Variants in CTNNA3 observed in about 807,000 individuals in gnomAD.
The protein encoded by CTNNA3 is catenin alpha 3, also known as catenin alpha-3.
CTNNA3 carries 76 observed loss-of-function variants against 95.7 expected under a neutral mutation model. That is an observed-to-expected ratio of 0.79 (90% CI 0.66 to 0.96). The LOEUF is 0.96. Among genes scored for constraint, CTNNA3 ranks in the 40% least tolerant of loss-of-function variants. The probability of loss-of-function intolerance (pLI) is 0.00; values close to 1 mark genes in which losing one functional copy is unlikely to be tolerated. For synonymous variants in CTNNA3, 431 were observed against 374.4 expected, an observed-to-expected ratio of 1.15 and a Z score of -1.74; for missense variants, 1,191 against 1,089.8, an observed-to-expected ratio of 1.09 and a Z score of -1.31.
intron 5 of CTNNA3, among the ~76,000 whole-genome samples, chr10:67,386,586 G>A (rs1008977829): frequency 2.0e-5 from 3 of 152,146 alleles, no homozygotes; most frequent in Admixed American, 6.5e-5. Flanking sequence ...ATCCTAGGGG[G>A]AAGTGAACAA....
At chr10:67,602,698 T>A (rs1843124642) in intron 3 of CTNNA3, among the ~76,000 whole-genome samples, 1 of 152,188 alleles carries the variant, frequency 6.6e-6, no homozygotes, top group Non-Finnish European at 1.5e-5. Flanking sequence ...GGAAATACCA[T>A]CTCATGGCAA....
chr10:66,223,301 G>A (rs1312223535), intron 13 of CTNNA3, among the ~76,000 whole-genome samples: 1 of 152,008 alleles, frequency 6.6e-6, no homozygotes, highest in African/African-American at 2.4e-5. Flanking sequence ...AAGTATGTTA[G>A]GTAATGGGTT....
chr10:67,532,762 A>T (rs1840370027), intron 4 of CTNNA3, among the ~76,000 whole-genome samples: 1 of 152,212 alleles, frequency 6.6e-6, no homozygotes, highest in Non-Finnish European at 1.5e-5. Context: ...GTTCTTGCCA[A>T]GTAATTTATG....
intron 12 of CTNNA3, among the ~76,000 whole-genome samples, chr10:66,310,071 T>C (rs1015762563): frequency 5.9e-5 from 9 of 151,462 alleles, no homozygotes; most frequent in Non-Finnish European, 1.0e-4. Flanking sequence ...TGAGCTGAGA[T>C]TGCACCACTG....
At chr10:66,157,657 T>C (rs1207591351) in intron 13 of CTNNA3, among the ~76,000 whole-genome samples, 1 of 152,038 alleles carries the variant, frequency 6.6e-6, no homozygotes, top group Non-Finnish European at 1.5e-5. Flanking sequence ...TTTCGAATAA[T>C]GATTTCTTTT....
At chr10:66,577,447 TTTA>T (rs1404883045) in intron 10 of CTNNA3, among the ~76,000 whole-genome samples, 1 of 152,102 alleles carries the variant, frequency 6.6e-6, no homozygotes, top group Non-Finnish European at 1.5e-5. Flanking sequence ...TTCTAGGGTT[TTTA>T]TTGTTTTAGT....
chr10:66,693,236 C>T (rs911526907), intron 9 of CTNNA3, among the ~76,000 whole-genome samples: 2 of 151,978 alleles, frequency 1.3e-5, no homozygotes, highest in South Asian at 2.1e-4. Flanking sequence ...CAGAGACACA[C>T]ATAGGCTCAA....
At chr10:66,651,554 G>A (rs970002532) in intron 9 of CTNNA3, among the ~76,000 whole-genome samples, 5 of 152,136 alleles carry the variant, frequency 3.3e-5, no homozygotes, top group Admixed American at 3.3e-4. Flanking sequence ...CGTGGGGAGG[G>A]GGGTTGGGGG....
intron 3 of CTNNA3, among the ~76,000 whole-genome samples, chr10:67,566,035 G>A (rs1180652962): frequency 1.1e-4 from 4 of 35,484 alleles, no homozygotes; most frequent in South Asian, 1.9e-3. Flanking sequence ...ACACACATAT[G>A]TGTGTGTGTA....
rs2077052687 is a variant in CTNNA3, at chr10:65,919,676, A to G, written c.*654T>C. 6.6e-6 allele frequency: 1 copy of G among 152,332 alleles called. No individual in the cohort carries two copies. Among genetic ancestry groups the G allele is most frequent in the South Asian group, 2.1e-4 (1 of 4,838 alleles). The allele number at this position is 152,332 out of a possible 1,614,324, so 9.4% of individuals were successfully genotyped here. On this transcript the variant is annotated 3_prime_UTR_variant, in exon 18 of 18. Coordinates refer to ENST00000433211, the MANE Select transcript of CTNNA3 (RefSeq NM_013266.4). ...CATTGTAACCTTTATAATGTTAAGAAAGCATTTTATTAATAAACAAGGTTG... is the reference window on the plus strand; with the variant it reads ...CATTGTAACCTTTATAATGTTAAGAGAGCATTTTATTAATAAACAAGGTTG...
At chr10:67,743,468 C>G (rs552551243) in intron 1 of CTNNA3, among the ~76,000 whole-genome samples, 3 of 151,402 alleles carry the variant, frequency 2.0e-5, no homozygotes, top group Admixed American at 1.3e-4. Context: ...ATGCTAAAAA[C>G]TCTCAATAAA....
chr10:67,043,501 C>T (rs997810669), intron 7 of CTNNA3, among the ~76,000 whole-genome samples: 2 of 152,110 alleles, frequency 1.3e-5, no homozygotes, highest in African/African-American at 2.4e-5. Flanking sequence ...CTTCCAATTT[C>T]TTCTAGTATA....
At chr10:66,418,876 C>G (rs2093168085) in intron 11 of CTNNA3, among the ~76,000 whole-genome samples, 1 of 151,968 alleles carries the variant, frequency 6.6e-6, no homozygotes, top group South Asian at 2.1e-4. Flanking sequence ...AAACATGCCT[C>G]AAAAAATAAA....
chr10:66,162,862 C>G (rs2084921939), intron 13 of CTNNA3, among the ~76,000 whole-genome samples: 1 of 151,034 alleles, frequency 6.6e-6, no homozygotes, highest in Non-Finnish European at 1.5e-5. Flanking sequence ...TGAGCTCATA[C>G]TCTCCTTGGG....
At chr10:66,534,443 C>T (rs920287488) in intron 10 of CTNNA3, among the ~76,000 whole-genome samples, 1 of 148,826 alleles carries the variant, frequency 6.7e-6, no homozygotes, top group Admixed American at 6.7e-5. Context: ...TGGATTTTCC[C>T]AACTAGGATA....
intron 5 of CTNNA3, among the ~76,000 whole-genome samples, chr10:67,344,045 T>C (rs1160475971): frequency 6.6e-6 from 1 of 151,462 alleles, no homozygotes; most frequent in Non-Finnish European, 1.5e-5. Flanking sequence ...CATGAAAGGA[T>C]GTTAAATTTT....
intron 2 of CTNNA3, among the ~76,000 whole-genome samples, chr10:67,642,508 A>T (rs1420237989): frequency 2.0e-5 from 3 of 152,300 alleles, no homozygotes; most frequent in African/African-American, 7.2e-5. Context: ...ACCTGAGGTC[A>T]GGAGTTCGAG....
chr10:67,320,314 T>C (rs1328710817), intron 5 of CTNNA3, among the ~76,000 whole-genome samples: 1 of 152,122 alleles, frequency 6.6e-6, no homozygotes, highest in African/African-American at 2.4e-5. Context: ...GAGCCAATCT[T>C]TGAGTATGTG....
At chr10:66,382,981 T>C (rs1219947827) in intron 11 of CTNNA3, among the ~76,000 whole-genome samples, 1 of 152,078 alleles carries the variant, frequency 6.6e-6, no homozygotes, top group African/African-American at 2.4e-5. Context: ...ACCACAAAGA[T>C]GGGAAGAAAC....
Sources: allele counts gnomAD v4.1 joint callset (sites outside exome capture counted in the v4.1 genomes callset), GRCh38; gene constraint gnomAD v4.1.1; transcripts MANE v1.5; gene names NCBI Gene and HGNC (gene_info 2026-07-23, HGNC 2026-07-21).